Variants in PIK3R2 observed in about 807,000 individuals in gnomAD.
PIK3R2 encodes phosphatidylinositol 3-kinase regulatory subunit beta.
In PIK3R2, 40 loss-of-function variants were observed where a neutral mutation model predicts 78.5. The observed-to-expected ratio is 0.51, with a 90% CI of 0.40 to 0.66. PIK3R2 has a LOEUF of 0.66. Ranked by LOEUF, PIK3R2 falls within the 30% of genes least tolerant of loss-of-function variation. The pLI is 0.00. For missense variants in PIK3R2, 880 were observed against 1,026.6 expected, an observed-to-expected ratio of 0.86 and a Z score of 1.95; for synonymous variants, 473 against 457.7, an observed-to-expected ratio of 1.03 and a Z score of -0.43.
In PIK3R2 at chr19:18,161,691, C is replaced by T. The variant is rs2043748912; in HGVS notation, c.815+196C>T. On this transcript the variant is annotated intron_variant, in intron 6 of 15. Transcript: ENST00000222254. The surrounding 1 kb of genome is among the most constrained non-coding windows in gnomAD (Gnocchi z 5.3). ...GGACAGAAGGTGAAGGGGCCTAGTC[C>T]CGAAGCATGTGGGTGGTGCCTGCAC... Among the ~76,000 whole-genome samples, 1 of 152,154 alleles carries T rather than the reference C, an allele frequency of 6.6e-6. No homozygotes were observed. The highest frequency in any genetic ancestry group is 2.4e-5 in the African/African-American group (1 of 41,442).
At position 18,169,231 on chromosome 19, in the gene PIK3R2, C is replaced by T. The variant is rs2147960833; in HGVS notation, c.2124C>T (p.Leu708=). 2 of 1,595,718 alleles carry T rather than the reference C, an allele frequency of 1.3e-6. No homozygotes were observed. Among genetic ancestry groups the T allele is most frequent in the Non-Finnish European group, 1.7e-6 (2 of 1,177,110 alleles). The change falls in exon 16 of 16, where the codon CTC becomes CTT. Residue 708 remains leucine (L), a synonymous_variant. Coordinates refer to ENST00000222254, the MANE Select transcript of PIK3R2 (RefSeq NM_005027.4). ...CGCTGGTGCAGCACAACGACGCGCTCACCGTCACCCTGGCGCACCCAGTGC... is the reference window on the plus strand; with the variant it reads ...CGCTGGTGCAGCACAACGACGCGCTTACCGTCACCCTGGCGCACCCAGTGC... The part of the protein sequence containing the change: ...HASLVQHNDA[L]TVTLAHPVRA...
chr19:18,162,581 T>C (rs2043761601), intron 9 of PIK3R2, 75 bp downstream of exon 9: 2 of 1,315,270 alleles, frequency 1.5e-6, no homozygotes, highest in South Asian at 1.2e-5. Context: ...GGATAGAACA[T>C]GTGCGGTTTC....
chr19:18,158,315 C>T (rs1247817345), intron 2 of PIK3R2, among the ~76,000 whole-genome samples: 2 of 152,022 alleles, frequency 1.3e-5, no homozygotes, highest in African/African-American at 4.8e-5. Flanking sequence ...AGGGTAAAAC[C>T]CCATCTCTAC....
intron 11 of PIK3R2, among the ~76,000 whole-genome samples, chr19:18,165,511 G>A (rs906731324): frequency 2.0e-5 from 3 of 152,138 alleles, no homozygotes; most frequent in Admixed American, 1.3e-4. Flanking sequence ...CAGCCTGGGC[G>A]ACAAGAGCAA....
At chr19:18,166,962 T>C (rs1013305202) in intron 12 of PIK3R2, among the ~76,000 whole-genome samples, 168 bp from the exon 13 acceptor site, 19 of 151,546 alleles carry the variant, frequency 1.3e-4, no homozygotes, top group African/African-American at 4.6e-4. Context: ...TGGCAAAATC[T>C]ACCTCTACAA....
intron 3 of PIK3R2, 52 bp downstream of exon 3, chr19:18,160,615 G>A (rs190982652): frequency 5.1e-6 from 7 of 1,375,816 alleles, no homozygotes; most frequent in Admixed American, 3.6e-5. Flanking sequence ...TACCTCTAGT[G>A]ACAGGCGACT....
intron 2 of PIK3R2, among the ~76,000 whole-genome samples, chr19:18,158,522 A>C (rs1167400154): frequency 6.7e-6 from 1 of 150,358 alleles, no homozygotes; most frequent in African/African-American, 2.4e-5. Context: ...ACAACAAAAA[A>C]CGAGGAGGCC....
In PIK3R2 at chr19:18,167,494, G is replaced by C. The variant is rs1342871227; in HGVS notation, c.1736+188G>C. Among the ~76,000 whole-genome samples the C allele has an allele frequency of 1.3e-5, 2 of 152,154 alleles. No individual in the cohort carries two copies. Among genetic ancestry groups the C allele is most frequent in the East Asian group, 3.8e-4 (2 of 5,200 alleles). On this transcript the variant is annotated intron_variant, in intron 13 of 15. Transcript: ENST00000222254. This position sits in a 1 kb window ranked among gnomAD's most constrained non-coding sequence, Gnocchi z 4.5. ...TAGGTCAGCCTCAGCTTAGTCAGAG[G>C]TGTGTGCAATGGGAGTGTCACTCCT...
rs1967148476 is a variant in PIK3R2 at position 18,170,016 on chromosome 19, CT to C, written c.*723del. On this transcript the variant is annotated 3_prime_UTR_variant, in exon 16 of 16. Coordinates refer to ENST00000222254, the MANE Select transcript of PIK3R2 (RefSeq NM_005027.4). The stretch of plus-strand genomic sequence containing the variant: ...TTGAGGTCGGGAGTTGGAGGCCAGC[CT>C]GGCCAAAATGGCAAAACCCCGCATC... The C allele has an allele frequency of 5.7e-6, 1 of 175,968 alleles. No individual in the cohort carries two copies. The highest frequency in any genetic ancestry group is 2.0e-4 in the South Asian group (1 of 5,036). 10.9% of individuals were successfully genotyped at this position (175,968 alleles called of 1,614,324 possible).
At position 18,161,391 on chromosome 19, in the gene PIK3R2, G is replaced by A. The variant is rs1038312942; in HGVS notation, c.711G>A (p.Pro237=). ...QHLGRVASRA[P]ALGPAVRALG... is the part of the protein sequence containing the mutation. ...TGGGCCGCGTGGCCAGCCGCGCCCC[G>A]GCCCTGGGTCCCGCGGTCCGGGCCC... The change falls in exon 6 of 16, where the codon CCG becomes CCA. Residue 237 remains proline (P), a synonymous_variant. Transcript: ENST00000222254. The surrounding 1 kb of genome is among the most constrained non-coding windows in gnomAD (Gnocchi z 5.3). The A allele has an allele frequency of 3.3e-6, 4 of 1,225,198 alleles. No homozygotes were observed. The African/African-American group carries it at 6.4e-5, about 19-fold the overall frequency. 75.9% of individuals were successfully genotyped at this position (1,225,198 alleles called of 1,614,324 possible).
At chr19:18,159,464 CAG>C (rs1399852967) in intron 2 of PIK3R2, among the ~76,000 whole-genome samples, 9 of 151,732 alleles carry the variant, frequency 5.9e-5, no homozygotes, top group Non-Finnish European at 1.0e-4. Flanking sequence ...TTTTTTGAGA[CAG>C]AGTCTCACTC....
rs759484199 is a variant in PIK3R2, at chr19:18,155,970, C to T, written c.91C>T (p.Leu31=). 9.6e-6 allele frequency: 15 copies of T among 1,565,642 alleles called. No individual in the cohort carries two copies. The African/African-American group carries it at 1.5e-4, about 16-fold the overall frequency. ...EDLELLPGDV[L]VVSRAALQAL... is the part of the protein sequence containing the mutation. ...CCTGGAGCTGCTGCCCGGCGACGTG[C>T]TGGTAGTGAGCCGGGCGGCCTTGCA... Residue 31 remains leucine (L), a synonymous_variant, in exon 2 of 16, where the codon CTG becomes TTG. Coordinates refer to ENST00000222254, the MANE Select transcript of PIK3R2 (RefSeq NM_005027.4).
At position 18,168,701 on chromosome 19, in the gene PIK3R2, T is replaced by TCCCCCCCCCCCCC; in HGVS notation, c.1809-21_1809-20insCCCCCCCCCCCCC. 2 of 1,563,898 alleles carry TCCCCCCCCCCCCC rather than the reference T, an allele frequency of 1.3e-6. No homozygotes were observed. The highest frequency in any genetic ancestry group is 1.8e-6 in the Non-Finnish European group (2 of 1,137,486). On this transcript the variant is annotated intron_variant, in intron 14 of 15. Transcript: ENST00000222254. This position sits in a 1 kb window ranked among gnomAD's most constrained non-coding sequence, Gnocchi z 4.1. ...GCTGGCAGGTGAGTGACCAGGGCCC[T>TCCCCCCCCCCCCC]CCCCGCCACCGCCCCCCACCCCAGC...
rs1173823214 is a variant in PIK3R2 at position 18,161,449 on chromosome 19, G to GCGCCGC, written c.778_783dup (p.Pro260_Pro261dup). On this transcript the variant is annotated inframe_insertion, in exon 6 of 16. Coordinates refer to ENST00000222254, the MANE Select transcript of PIK3R2 (RefSeq NM_005027.4). The surrounding 1 kb of genome is among the most constrained non-coding windows in gnomAD (Gnocchi z 5.3). Reference sequence around the variant, plus strand: ...CACCTTTGGGCCGCTGCTGCTGCGCGCGCCGCCGCCGCCGTCCTCGCCGCC... The same window carrying GCGCCGC: ...CACCTTTGGGCCGCTGCTGCTGCGCGCGCCGCCGCCGCCGCCGCCGTCCTCGCCGCC... 26 of 1,205,690 alleles carry GCGCCGC rather than the reference G, an allele frequency of 2.2e-5. No individual in the cohort carries two copies. The African/African-American group carries it at 3.3e-4, about 15-fold the overall frequency. 74.7% of individuals were successfully genotyped at this position (1,205,690 alleles called of 1,614,324 possible).
In PIK3R2 at chr19:18,161,347, C is replaced by T. The variant is rs2147950611; in HGVS notation, c.667C>T (p.Arg223Cys). Residue 223 changes from arginine to cysteine, a missense_variant, in exon 6 of 16, where the codon CGC (arginine) becomes TGC (cysteine). Arg to Cys is a radical substitution (Grantham distance 180). This residue lies in a region of PIK3R2 where 456 missense variants were observed against 486.6 expected (regional missense o/e 0.94). Transcript: ENST00000222254. The surrounding 1 kb of genome is among the most constrained non-coding windows in gnomAD (Gnocchi z 5.3). ...TLPLHRALTL[R>C]FLLQHLGRVA... ...GCCGCTGCACCGCGCGCTCACGCTG[C>T]GCTTCCTGCTCCAGCACCTGGGCCG... 1 of 1,323,866 alleles carries T rather than the reference C, an allele frequency of 7.6e-7. No individual in the cohort carries two copies. The highest frequency in any genetic ancestry group is 3.8e-5 in the Admixed American group (1 of 26,072). The allele number at this position is 1,323,866 out of a possible 1,614,324, so 82.0% of individuals were successfully genotyped here. A position where few individuals can be genotyped will look rare whatever the true frequency, so the allele number is the denominator to read the frequency against.
intron 12 of PIK3R2, 112 bp downstream of exon 12, chr19:18,166,414 T>C: frequency 1.1e-6 from 1 of 880,542 alleles, no homozygotes. Flanking sequence ...GAGTAGTCTG[T>C]TGAAATGGAC....
chr19:18,168,991 G>A lies in PIK3R2; in HGVS notation c.1979+95G>A. ...CAGGCCTTGGGAAGGAGTCCCTGGT[G>A]GGGTCATCCGGGACAGGGGAGCACG... On this transcript the variant is annotated intron_variant, in intron 15 of 15. Transcript: ENST00000222254. This position sits in a 1 kb window ranked among gnomAD's most constrained non-coding sequence, Gnocchi z 4.1. 6.4e-7 allele frequency: 1 copy of A among 1,553,480 alleles called. No individual in the cohort carries two copies. Among genetic ancestry groups the A allele is most frequent in the Non-Finnish European group, 8.8e-7 (1 of 1,138,284 alleles).
Position 18,169,510 on chromosome 19 carries a change from T to G in PIK3R2, c.*216T>G. ...CCTTTTCTCTGTCTTTCTTGGCCCC[T>G]GTCTCTCTCCATGTTGGGGGTCCTA... is the stretch of plus-strand genomic sequence containing the variant. On this transcript the variant is annotated 3_prime_UTR_variant, in exon 16 of 16. Coordinates refer to ENST00000222254, the MANE Select transcript of PIK3R2 (RefSeq NM_005027.4). The G allele has an allele frequency of 2.9e-6, 1 of 340,998 alleles. No homozygotes were observed. Among genetic ancestry groups the G allele is most frequent in the Non-Finnish European group, 5.3e-6 (1 of 187,946 alleles). The allele number at this position is 340,998 out of a possible 1,614,324, so 21.1% of individuals were successfully genotyped here. A position where few individuals can be genotyped will look rare whatever the true frequency, so the allele number is the denominator to read the frequency against.
rs966966640 is a variant in PIK3R2, at chr19:18,161,847, C to T, written c.816-119C>T. 2.6e-6 allele frequency: 2 copies of T among 781,434 alleles called. No individual in the cohort carries two copies. Among genetic ancestry groups the T allele is most frequent in the African/African-American group, 1.7e-5 (1 of 58,450 alleles). 48.4% of individuals were successfully genotyped at this position (781,434 alleles called of 1,614,324 possible). On this transcript the variant is annotated intron_variant, in intron 6 of 15. Coordinates refer to ENST00000222254, the MANE Select transcript of PIK3R2 (RefSeq NM_005027.4). The surrounding 1 kb of genome is among the most constrained non-coding windows in gnomAD (Gnocchi z 5.3). ...CATGTGCCTGTATCATCTCCTCCTC[C>T]GCCCTGCACATACTGTCTCGTATAT...
Sources: gnomAD v4.1 joint callset for allele counts (sites outside exome capture counted in the v4.1 genomes callset) on GRCh38, gnomAD v4.1.1 for gene constraint, gnomAD v4.1.1 regional missense constraint, Gnocchi (gnomAD v3.1) non-coding constraint, MANE v1.5 for transcripts, NCBI Gene and HGNC (gene_info 2026-07-23, HGNC 2026-07-21) for gene names.